Variants in RASA2 observed in about 807,000 individuals in gnomAD.
RASA2 encodes the protein RAS p21 protein activator 2.
RASA2 carries 155 observed loss-of-function variants against 118.2 expected under a neutral mutation model. The observed-to-expected ratio is 1.31, with a 90% CI of 1.15 to 1.50. The LOEUF (loss-of-function observed/expected upper bound fraction) is 1.50, where lower values mean the gene tolerates loss of function less well. RASA2 is among the 40% of genes most tolerant of loss of function. RASA2 has a pLI of 0.00. For missense variants in RASA2, 1,016 were observed against 1,009.6 expected (o/e 1.01, Z -0.09); for synonymous variants, 353 against 349.1 (o/e 1.01, Z -0.12).
At chr3:141,572,550 A>T in intron 11 of RASA2, 59 bp from the exon 12 acceptor site, 1 of 1,195,700 alleles carries the variant, frequency 8.4e-7, no homozygotes, top group Non-Finnish European at 1.2e-6. Context: ...CAAGTATGTT[A>T]TATTATTGGT....
intron 20 of RASA2, 70 bp downstream of exon 20, chr3:141,607,830 G>A (rs1411467305): frequency 5.6e-6 from 8 of 1,418,140 alleles, no homozygotes; most frequent in Non-Finnish European, 6.5e-6. Flanking sequence ...GTATTTCGAG[G>A]TATTTGTTAA....
chr3:141,593,619 G>A (rs2083319101), intron 19 of RASA2, among the ~76,000 whole-genome samples: 11 of 152,154 alleles, frequency 7.2e-5, no homozygotes, highest in Admixed American at 6.5e-4. Context: ...CTGAAAACTT[G>A]AAAAAGATGA....
chr3:141,509,229 A>G (rs569135105), intron 1 of RASA2, among the ~76,000 whole-genome samples: 1 of 152,352 alleles, frequency 6.6e-6, no homozygotes, highest in South Asian at 2.1e-4. Context: ...AGATTATGAT[A>G]ACTGCTTTTA....
intron 18 of RASA2, 103 bp downstream of exon 18, chr3:141,586,201 G>T: frequency 9.2e-7 from 1 of 1,088,850 alleles, no homozygotes; most frequent in South Asian, 1.8e-5. Context: ...TTTGTGTGCT[G>T]TGTTAGAACT....
At chr3:141,507,159 T>G (rs923264397) in intron 1 of RASA2, among the ~76,000 whole-genome samples, 4 of 152,196 alleles carry the variant, frequency 2.6e-5, no homozygotes, top group Non-Finnish European at 5.9e-5. Context: ...AAAATAATTT[T>G]CAGTGAAAAA....
intron 5 of RASA2, among the ~76,000 whole-genome samples, chr3:141,550,711 A>G (rs1223757081): frequency 6.6e-6 from 1 of 152,248 alleles, no homozygotes; most frequent in Non-Finnish European, 1.5e-5. Context: ...ACTTTGATGA[A>G]TCACATTGCA....
At chr3:141,517,070 G>T (rs945537926) in intron 3 of RASA2, among the ~76,000 whole-genome samples, 1 of 152,020 alleles carries the variant, frequency 6.6e-6, no homozygotes, top group African/African-American at 2.4e-5. Context: ...ACGCCTGGCC[G>T]GGCAGGGACT....
intron 1 of RASA2, among the ~76,000 whole-genome samples, chr3:141,502,015 T>C (rs1432355695): frequency 2.0e-5 from 3 of 152,174 alleles, no homozygotes; most frequent in Non-Finnish European, 4.4e-5. Flanking sequence ...TGCTCCAGGA[T>C]GCAAAACTGA....
chr3:141,555,904 T>C lies in RASA2; in HGVS notation c.676T>C (p.Tyr226His). The stretch of plus-strand genomic sequence containing the variant: ...CAATCCGCAGTTTAATGAAATCTTT[T>C]ATTTTGAGGTAATTTTTTGTTTTAC... ...TSNPQFNEIFYFEVTRSSSYT... is the reference protein window; with the variant it reads ...TSNPQFNEIFHFEVTRSSSYT... The change falls in exon 7 of 24, where the codon TAT becomes CAT. Residue 226 changes from tyrosine to histidine, a missense_variant. Coordinates refer to ENST00000286364, the MANE Select transcript of RASA2 (RefSeq NM_006506.5). 6.2e-7 allele frequency: 1 copy of C among 1,605,236 alleles called. No individual in the cohort carries two copies. The highest frequency in any genetic ancestry group is 8.5e-7 in the Non-Finnish European group (1 of 1,174,852).
At chr3:141,576,069 G>A (rs1182635077) in intron 14 of RASA2, among the ~76,000 whole-genome samples, 7 of 152,276 alleles carry the variant, frequency 4.6e-5, no homozygotes, top group African/African-American at 9.6e-5. Flanking sequence ...GGGCCACCGC[G>A]CCCGGCCAAC....
intron 19 of RASA2, among the ~76,000 whole-genome samples, chr3:141,597,026 C>T (rs1032028204): frequency 2.6e-5 from 4 of 152,084 alleles, no homozygotes; most frequent in East Asian, 3.9e-4. Context: ...TTCACAATAG[C>T]CAAAAACTAG....
chr3:141,607,558 G>A, intron 19 of RASA2, 120 bp from the exon 20 acceptor site: 4 of 1,044,166 alleles, frequency 3.8e-6, no homozygotes, highest in Non-Finnish European at 5.1e-6. Context: ...TAAGTCTTCT[G>A]TAGGTTATTT....
intron 1 of RASA2, among the ~76,000 whole-genome samples, chr3:141,511,777 A>G (rs1465145837): frequency 6.6e-6 from 1 of 152,078 alleles, no homozygotes; most frequent in Non-Finnish European, 1.5e-5. Context: ...AGAAATTCCC[A>G]TCATCGTTTA....
At chr3:141,497,292 G>A (rs71619392) in intron 1 of RASA2, among the ~76,000 whole-genome samples, 42,690 of 150,158 alleles carry the variant, frequency 0.28, 6,360 homozygotes, top group Non-Finnish European at 0.32. Flanking sequence ...TGCACATTGT[G>A]CACATGTACC....
chr3:141,529,933 C>A, intron 4 of RASA2, 131 bp downstream of exon 4: 1 of 684,734 alleles, frequency 1.5e-6, no homozygotes, highest in South Asian at 2.4e-5. Flanking sequence ...ATATTATAGA[C>A]TTTTGGGTAA....
chr3:141,603,596 A>G (rs986138180), intron 19 of RASA2, among the ~76,000 whole-genome samples: 2 of 152,190 alleles, frequency 1.3e-5, no homozygotes, highest in Admixed American at 6.5e-5. Flanking sequence ...AATAAAATTT[A>G]GATATAATTC....
At chr3:141,488,621 T>C (rs2081605878) in intron 1 of RASA2, among the ~76,000 whole-genome samples, 1 of 152,202 alleles carries the variant, frequency 6.6e-6, no homozygotes, top group Non-Finnish European at 1.5e-5. Context: ...AGGTAGATCT[T>C]AGTTCCCAAA....
intron 19 of RASA2, among the ~76,000 whole-genome samples, chr3:141,602,223 G>T (rs574550823): frequency 6.6e-6 from 1 of 152,216 alleles, no homozygotes; most frequent in South Asian, 2.1e-4. Context: ...AAGATCAGCA[G>T]TCCCCAACCT....
chr3:141,607,561 G>A (rs111728244), intron 19 of RASA2, 117 bp from the exon 20 acceptor site: 1 of 1,076,982 alleles, frequency 9.3e-7, no homozygotes, highest in Non-Finnish European at 1.2e-6. Context: ...GTCTTCTGTA[G>A]GTTATTTACA....
Sources: allele counts gnomAD v4.1 joint callset (sites outside exome capture counted in the v4.1 genomes callset), GRCh38; gene constraint gnomAD v4.1.1; transcripts MANE v1.5; gene names NCBI Gene and HGNC (gene_info 2026-07-23, HGNC 2026-07-21).